The following CDH8 variants were observed in gnomAD, a reference collection of about 807,000 sequenced individuals.
CDH8 encodes cadherin-8.
In CDH8, 17 loss-of-function variants were observed where a neutral mutation model predicts 68.1. That is an observed-to-expected ratio of 0.25 (90% CI 0.17 to 0.37). The LOEUF (loss-of-function observed/expected upper bound fraction) is 0.37, where lower values mean the gene tolerates loss of function less well. Among genes scored for constraint, CDH8 ranks in the 10% least tolerant of loss-of-function variants. The pLI is 1.00. For missense variants in CDH8, 763 were observed against 999.3 expected, an observed-to-expected ratio of 0.76 and a Z score of 3.19; for synonymous variants, 372 against 365.1, an observed-to-expected ratio of 1.02 and a Z score of -0.21.
intron 8 of CDH8, among the ~76,000 whole-genome samples, chr16:61,768,304 GTC>G (rs1216239610): frequency 2.7e-5 from 2 of 73,688 alleles, no homozygotes; most frequent in Non-Finnish European, 2.9e-5. Flanking sequence ...CTCTCTCTGT[GTC>G]TCTCCCTTTC....
At chr16:61,709,107 G>C (rs984796437) in intron 10 of CDH8, among the ~76,000 whole-genome samples, 1 of 151,980 alleles carries the variant, frequency 6.6e-6, no homozygotes. Flanking sequence ...GAAGCTAAGG[G>C]TATGGATGTT....
At chr16:61,772,807 C>T (rs775107821) in intron 8 of CDH8, among the ~76,000 whole-genome samples, 8 of 151,972 alleles carry the variant, frequency 5.3e-5, no homozygotes, top group Non-Finnish European at 8.8e-5. Flanking sequence ...AAATTCCTGG[C>T]CAGCAAGCTA....
At chr16:61,973,093 A>AT (rs200138518) in intron 2 of CDH8, among the ~76,000 whole-genome samples, 1,530 of 152,190 alleles carry the variant, frequency 0.01, 19 homozygotes, top group Non-Finnish European at 0.018. Flanking sequence ...TTATACTCTG[A>AT]TTTTTTTCAA....
intron 7 of CDH8, among the ~76,000 whole-genome samples, chr16:61,814,398 T>C (rs1211435741): frequency 1.3e-5 from 2 of 152,236 alleles, no homozygotes; most frequent in African/African-American, 2.4e-5. Context: ...CTTTTCATTT[T>C]CCCCCGTAAA....
At chr16:61,717,662 G>A (rs1964756639) in intron 9 of CDH8, among the ~76,000 whole-genome samples, 1 of 151,346 alleles carries the variant, frequency 6.6e-6, no homozygotes, top group African/African-American at 2.4e-5. Context: ...TGTATCACAG[G>A]ATCTATTAGA....
intron 2 of CDH8, among the ~76,000 whole-genome samples, chr16:61,983,748 C>A (rs937650941): frequency 1.3e-5 from 2 of 152,074 alleles, no homozygotes; most frequent in Non-Finnish European, 2.9e-5. Flanking sequence ...ATATTTATTT[C>A]TCACAGTTCT....
chr16:61,982,494 C>G (rs951165331), intron 2 of CDH8, among the ~76,000 whole-genome samples: 12 of 152,306 alleles, frequency 7.9e-5, no homozygotes, highest in African/African-American at 2.6e-4. Flanking sequence ...GCTGGGATTA[C>G]AGGCGTGAAC....
chr16:61,967,859 A>G (rs954575644), intron 2 of CDH8, among the ~76,000 whole-genome samples: 1 of 152,120 alleles, frequency 6.6e-6, no homozygotes, highest in African/African-American at 2.4e-5. Context: ...CCCAGGCTGG[A>G]GTGCAATGGC....
chr16:61,881,625 G>A (rs181930567), intron 3 of CDH8, among the ~76,000 whole-genome samples: 23 of 152,298 alleles, frequency 1.5e-4, no homozygotes, highest in African/African-American at 5.5e-4. Flanking sequence ...ATGACACATA[G>A]TGAATGCCTC....
chr16:61,995,732 A>T (rs1053750863), intron 2 of CDH8, among the ~76,000 whole-genome samples: 2 of 152,218 alleles, frequency 1.3e-5, no homozygotes, highest in Non-Finnish European at 2.9e-5. Flanking sequence ...AACAGAACAG[A>T]TTCCATTAGG....
intron 7 of CDH8, among the ~76,000 whole-genome samples, chr16:61,803,536 G>C (rs566036522): frequency 6.6e-6 from 1 of 152,014 alleles, no homozygotes; most frequent in African/African-American, 2.4e-5. Flanking sequence ...TGGATAAAGA[G>C]TCAAGACCCA....
intron 5 of CDH8, among the ~76,000 whole-genome samples, chr16:61,821,483 CG>C (rs1437480358): frequency 9.2e-5 from 14 of 151,986 alleles, no homozygotes; most frequent in Non-Finnish European, 1.6e-4. Context: ...GGATATTCGT[CG>C]TTGCCAACAT....
At position 61,719,781 on chromosome 16, in the gene CDH8, A is replaced by G. The variant is rs141282882; in HGVS notation, c.1537-5823T>C. Among the ~76,000 whole-genome samples the G allele has an allele frequency of 6.2e-3, 937 of 150,930 alleles. 10 individuals are homozygous for G. Among genetic ancestry groups the G allele is most frequent in the African/African-American group, 0.021 (887 of 41,370 alleles). On this transcript the variant is annotated intron_variant, in intron 9 of 11. Coordinates refer to ENST00000577390, the MANE Select transcript of CDH8 (RefSeq NM_001796.5). ...ATCCTCCCAGGGCAAGATTTTTCCA[A>G]CTGGGTCCCATCTCCCACAAATTTT...
At chr16:61,756,033 C>G (rs1462033385) in intron 8 of CDH8, among the ~76,000 whole-genome samples, 2 of 152,000 alleles carry the variant, frequency 1.3e-5, no homozygotes, top group African/African-American at 2.4e-5. Context: ...GTTGACCAGG[C>G]TCGTCTCAAA....
intron 8 of CDH8, among the ~76,000 whole-genome samples, chr16:61,735,278 A>C (rs1959646330): frequency 6.6e-6 from 1 of 152,136 alleles, no homozygotes; most frequent in Non-Finnish European, 1.5e-5. Context: ...TATTCAGTCC[A>C]CTAAATTATC....
intron 4 of CDH8, among the ~76,000 whole-genome samples, chr16:61,831,585 T>A (rs1962455726): frequency 6.6e-6 from 1 of 151,848 alleles, no homozygotes. Flanking sequence ...AACATTAAAC[T>A]TGTGTGTGTG....
At chr16:61,969,759 C>T (rs1175111027) in intron 2 of CDH8, among the ~76,000 whole-genome samples, 1 of 152,044 alleles carries the variant, frequency 6.6e-6, no homozygotes, top group Non-Finnish European at 1.5e-5. Flanking sequence ...AAAATAAATC[C>T]AGTGTATGGA....
rs1199477164 is a variant in CDH8, at chr16:61,768,346, C to T, written c.1414+21000G>A. 2.2e-3 allele frequency among the ~76,000 whole-genome samples: 240 copies of T among 107,108 alleles called. 5 individuals are homozygous for T. The highest frequency in any genetic ancestry group is 8.8e-3 in the African/African-American group (225 of 25,434). The allele number at this position is 107,108 out of a possible 152,430, so 70.3% of individuals were successfully genotyped here. On this transcript the variant is annotated intron_variant, in intron 8 of 11. Coordinates refer to ENST00000577390, the MANE Select transcript of CDH8 (RefSeq NM_001796.5). ...TCTCTCTCTCTCTCTCTCTCTCTCT[C>T]TCTCTCTCTCTCTCTCTCTCTCCCT...
At chr16:61,878,558 A>G (rs1210255696) in intron 3 of CDH8, among the ~76,000 whole-genome samples, 1 of 152,198 alleles carries the variant, frequency 6.6e-6, no homozygotes, top group South Asian at 2.1e-4. Flanking sequence ...GTAGAAATCA[A>G]ATCAGATGAA....
Sources: allele counts gnomAD v4.1 joint callset (sites outside exome capture counted in the v4.1 genomes callset), GRCh38; gene constraint gnomAD v4.1.1; transcripts MANE v1.5; gene names NCBI Gene and HGNC (gene_info 2026-07-23, HGNC 2026-07-21).